Variants in FBXO9 observed in about 807,000 individuals in gnomAD.
FBXO9 encodes the protein F-box only protein 9.
In FBXO9, 43 loss-of-function variants were observed where a neutral mutation model predicts 63.7. The observed-to-expected ratio is 0.67, with a 90% confidence interval of 0.53 to 0.87. The LOEUF (loss-of-function observed/expected upper bound fraction) is 0.87. Among genes scored for constraint, FBXO9 ranks in the 40% least tolerant of loss-of-function variants. FBXO9 has a pLI of 0.00. For synonymous variants in FBXO9, 156 were observed against 171.7 expected (o/e 0.91, Z 0.72); for missense variants, 442 against 533.2 (o/e 0.83, Z 1.68).
intron 11 of FBXO9, 64 bp downstream of exon 11, chr6:53,094,042 C>T (rs891053787): frequency 1.2e-5 from 12 of 962,880 alleles, no homozygotes; most frequent in South Asian, 4.1e-5. Context: ...CAAGCAGTCT[C>T]GATTAGAACA....
In FBXO9 at chr6:53,091,530, A is replaced by G. The variant is rs1324163512; in HGVS notation, c.654-899A>G. The G allele has an allele frequency of 2.0e-5, 3 of 152,054 alleles. No individual in the cohort carries two copies. The East Asian group carries it at 5.8e-4, about 29-fold the overall frequency. The allele number at this position is 152,054 out of a possible 1,614,324, so 9.4% of individuals were successfully genotyped here. On this transcript the variant is annotated intron_variant, in intron 7 of 12. Transcript: ENST00000323557. Reference sequence around the variant, plus strand: ...ACTATAGGCACCCACCACCATGCACAGCTAATTTTTGTATTTTTAGTAGAG... The same window carrying G: ...ACTATAGGCACCCACCACCATGCACGGCTAATTTTTGTATTTTTAGTAGAG...
Position 53,093,869 on chromosome 6 carries a change from G to GTTTTT in FBXO9, c.960-8_960-4dup. ...TTAATAACTGATTTAGATTCAATTT[G>GTTTTT]TTTTTTTTTTTTAAGGACTGATGCA... is the stretch of plus-strand genomic sequence containing the variant. On this transcript the variant is annotated splice_polypyrimidine_tract_variant and intron_variant, in intron 10 of 12. Transcript: ENST00000323557. 3 of 1,317,332 alleles carry GTTTTT rather than the reference G, an allele frequency of 2.3e-6. No homozygotes were observed. Among genetic ancestry groups the GTTTTT allele is most frequent in the South Asian group, 1.4e-5 (1 of 69,528 alleles). 81.6% of individuals were successfully genotyped at this position (1,317,332 alleles called of 1,614,324 possible). A position where few individuals can be genotyped will look rare whatever the true frequency, so the allele number is the denominator to read the frequency against.
rs1768901003 is a variant in FBXO9 at position 53,071,116 on chromosome 6, T to A, written c.63T>A (p.Asn21Lys). Reference protein sequence around the residue: ...DTVRADDDEENESPAETDLQA... With the variant: ...DTVRADDDEEKESPAETDLQA... Reference sequence around the variant, plus strand: ...TCAGAGCAGATGATGATGAAGAAAATGAAAGTCCTGCTGAAACAGATCTGC... The same window carrying A: ...TCAGAGCAGATGATGATGAAGAAAAAGAAAGTCCTGCTGAAACAGATCTGC... Residue 21 changes from asparagine to lysine, a missense_variant, in exon 2 of 13, where the codon AAT becomes AAA. By Grantham distance (94) the Asn-to-Lys change is moderately conservative (BLOSUM62 0). Transcript: ENST00000323557. 6.4e-7 allele frequency: 1 copy of A among 1,567,378 alleles called. No individual in the cohort carries two copies. The highest frequency in any genetic ancestry group is 8.7e-7 in the Non-Finnish European group (1 of 1,154,162).
chr6:53,066,904 G>T (rs1355056451), intron 1 of FBXO9, among the ~76,000 whole-genome samples: 1 of 152,196 alleles, frequency 6.6e-6, no homozygotes, highest in Non-Finnish European at 1.5e-5. Flanking sequence ...CAACTCAGCC[G>T]ATCCCAGATA....
chr6:53,096,366 G>A (rs1259963388), intron 12 of FBXO9, among the ~76,000 whole-genome samples: 4 of 152,170 alleles, frequency 2.6e-5, no homozygotes, highest in East Asian at 1.9e-4. Flanking sequence ...AAGGCTCTTC[G>A]TTCTGCTTGA....
chr6:53,084,988 G>A (rs902411286), intron 7 of FBXO9, among the ~76,000 whole-genome samples: 1 of 152,090 alleles, frequency 6.6e-6, no homozygotes, highest in Non-Finnish European at 1.5e-5. Context: ...TCTTAAATAT[G>A]ACATTTTCAG....
At position 53,089,055 on chromosome 6, in the gene FBXO9, T is replaced by TG. The variant is rs1251200870; in HGVS notation, c.654-3370dup. On this transcript the variant is annotated intron_variant, in intron 7 of 12. Coordinates refer to ENST00000323557, the MANE Select transcript of FBXO9 (RefSeq NM_033480.3). ...CCTGCCTCAGCCTCTGTAGCCCTAGTGGGGTTTTTTTTTGTTTGTTTTTGT... is the reference window on the plus strand; with the variant it reads ...CCTGCCTCAGCCTCTGTAGCCCTAGTGGGGGTTTTTTTTTGTTTGTTTTTGT... Among the ~76,000 whole-genome samples the TG allele has an allele frequency of 2.7e-5, 4 of 149,382 alleles. No homozygotes were observed. The South Asian group carries it at 8.5e-4, about 32-fold the overall frequency.
chr6:53,070,855 G>A, intron 1 of FBXO9: 1 of 754,606 alleles, frequency 1.3e-6, no homozygotes, highest in Non-Finnish European at 2.0e-6. Context: ...TTGGAGTAGA[G>A]AATATGCTTT....
At chr6:53,078,573 C>A (rs539137908) in intron 4 of FBXO9, among the ~76,000 whole-genome samples, 1 of 152,118 alleles carries the variant, frequency 6.6e-6, no homozygotes, top group South Asian at 2.1e-4. Flanking sequence ...ATGGGAAGGG[C>A]TAATATATAA....
At position 53,099,138 on chromosome 6, in the gene FBXO9, G is replaced by C. The variant is rs1763288661; in HGVS notation, c.*1308G>C. 1 of 150,602 alleles carries C rather than the reference G, an allele frequency of 6.6e-6. No homozygotes were observed. The highest frequency in any genetic ancestry group is 6.7e-5 in the Admixed American group (1 of 14,974). The allele number at this position is 150,602 out of a possible 1,614,324, so 9.3% of individuals were successfully genotyped here. The stretch of plus-strand genomic sequence containing the variant: ...GTGGTGGCTCATGCCTATAATCCCA[G>C]CACTTTGGGAGGCTAAGACAGGCAG... On this transcript the variant is annotated 3_prime_UTR_variant, in exon 13 of 13. Transcript: ENST00000323557.
chr6:53,095,463 T>C (rs185311908), intron 11 of FBXO9, 50 bp from the exon 12 acceptor site: 23 of 1,509,264 alleles, frequency 1.5e-5, no homozygotes, highest in East Asian at 1.2e-4. Context: ...TCTGTAAACA[T>C]AGAAGTGAGG....
intron 4 of FBXO9, among the ~76,000 whole-genome samples, chr6:53,077,397 C>CA: frequency 6.8e-6 from 1 of 146,880 alleles, no homozygotes; most frequent in East Asian, 2.0e-4. Context: ...GGCGTGAACC[C>CA]GGGAGGCGGA....
At chr6:53,091,782 G>A (rs1037554084) in intron 7 of FBXO9, 8 of 152,402 alleles carry the variant, frequency 5.2e-5, no homozygotes, top group African/African-American at 1.9e-4. Context: ...GTTCTGTTTG[G>A]TTTGGGTTAC....
At position 53,085,702 on chromosome 6, in the gene FBXO9, A is replaced by G. The variant is rs372872102; in HGVS notation, c.653+3084A>G. 7.9e-5 allele frequency among the ~76,000 whole-genome samples: 12 copies of G among 152,138 alleles called. No homozygotes were observed. The South Asian group carries it at 1.5e-3, about 18-fold the overall frequency. ...GTTTACATAGTTTTGGAACATTTATATCAATAATATACCCATAAATGTAAC... is the reference window on the plus strand; with the variant it reads ...GTTTACATAGTTTTGGAACATTTATGTCAATAATATACCCATAAATGTAAC... On this transcript the variant is annotated intron_variant, in intron 7 of 12. Coordinates refer to ENST00000323557, the MANE Select transcript of FBXO9 (RefSeq NM_033480.3).
intron 1 of FBXO9, 130 bp from the exon 2 acceptor site, chr6:53,070,927 A>G (rs1036788427): frequency 1.3e-5 from 19 of 1,451,422 alleles, no homozygotes; most frequent in Non-Finnish European, 1.7e-5. Flanking sequence ...CAGCCTTGCT[A>G]CTCAAAGTGG....
intron 1 of FBXO9, chr6:53,066,283 G>C (rs560309695): frequency 3.4e-6 from 1 of 293,448 alleles, no homozygotes; most frequent in South Asian, 1.3e-4. Flanking sequence ...GGTGTAGGAC[G>C]CATCTGCCCC....
chr6:53,080,953 C>T lies in FBXO9; in HGVS notation c.408-15C>T, dbSNP rs760060667. On this transcript the variant is annotated splice_polypyrimidine_tract_variant and intron_variant, in intron 5 of 12. Coordinates refer to ENST00000323557, the MANE Select transcript of FBXO9 (RefSeq NM_033480.3). ...TAGACTGAGGCACTTAATTTATTCACCTCCCTTTTTTCAGCATTGAAGATA... is the reference window on the plus strand; with the variant it reads ...TAGACTGAGGCACTTAATTTATTCATCTCCCTTTTTTCAGCATTGAAGATA... The T allele has an allele frequency of 2.9e-5, 46 of 1,612,890 alleles. 1 individual carries two copies. The highest frequency in any genetic ancestry group is 2.3e-5 in the Non-Finnish European group (27 of 1,179,678).
intron 6 of FBXO9, among the ~76,000 whole-genome samples, chr6:53,081,424 A>G (rs1312738767): frequency 2.0e-5 from 3 of 152,130 alleles, no homozygotes; most frequent in Non-Finnish European, 2.9e-5. Flanking sequence ...GGCGTGTGCC[A>G]CCACACCCAG....
chr6:53,087,027 C>G (rs1269853332), intron 7 of FBXO9, among the ~76,000 whole-genome samples: 1 of 152,022 alleles, frequency 6.6e-6, no homozygotes, highest in Non-Finnish European at 1.5e-5. Context: ...GAATGAGACC[C>G]TGTCTCAAAA....
Sources: allele counts gnomAD v4.1 joint callset (sites outside exome capture counted in the v4.1 genomes callset), GRCh38; gene constraint gnomAD v4.1.1; transcripts MANE v1.5; gene names NCBI Gene and HGNC (gene_info 2026-07-23, HGNC 2026-07-21).